Variants in GTF2IRD2 observed in about 807,000 individuals in gnomAD.
The protein encoded by GTF2IRD2 is GTF2I repeat domain containing 2.
A neutral mutation model predicts 49.2 loss-of-function variants in GTF2IRD2; 8 were observed. That is an observed-to-expected ratio of 0.16 (90% CI 0.10 to 0.29). The LOEUF (loss-of-function observed/expected upper bound fraction) is 0.29. GTF2IRD2 is among the 10% of genes least tolerant of loss of function. The pLI, the probability that GTF2IRD2 is intolerant of heterozygous loss-of-function variation, is 1.00. For missense variants in GTF2IRD2, 130 were observed against 725.7 expected (o/e 0.18, Z 9.43); for synonymous variants, 47 against 289.7 (o/e 0.16, Z 8.51).
At chr7:74,818,729 C>T (rs1209501425) in intron 8 of GTF2IRD2, 8 of 149,764 alleles carry the variant, frequency 5.3e-5, no homozygotes, top group African/African-American at 2.0e-4. Context: ...GAGTTACAGT[C>T]GTGAGCCCGC....
intron 3 of GTF2IRD2, among the ~76,000 whole-genome samples, chr7:74,831,167 G>C (rs1799811191): frequency 6.6e-6 from 1 of 150,562 alleles, no homozygotes; most frequent in Non-Finnish European, 1.5e-5. Context: ...AAGTAAATTT[G>C]AATCAATCTA....
Position 74,796,342 on chromosome 7 carries a change from A to G in GTF2IRD2, c.*320T>C, listed in dbSNP as rs1449106304. On this transcript the variant is annotated 3_prime_UTR_variant, in exon 16 of 16. Transcript: ENST00000451013. Reference sequence around the variant, plus strand: ...CACTTTGTGAGGTCGAGGCAGGTGGATCACCTGAGGTCAGGAGTTGGAGAC... The same window carrying G: ...CACTTTGTGAGGTCGAGGCAGGTGGGTCACCTGAGGTCAGGAGTTGGAGAC... The G allele has an allele frequency of 8.3e-6, 3 of 362,402 alleles. No individual in the cohort carries two copies. Among genetic ancestry groups the G allele is most frequent in the Admixed American group, 7.8e-5 (2 of 25,700 alleles). The allele number at this position is 362,402 out of a possible 1,614,324, so 22.4% of individuals were successfully genotyped here. A position where few individuals can be genotyped will look rare whatever the true frequency, so the allele number is the denominator to read the frequency against.
intron 1 of GTF2IRD2, among the ~76,000 whole-genome samples, chr7:74,838,401 TTTTG>T (rs1554421226): frequency 8.3e-6 from 1 of 121,138 alleles, no homozygotes; most frequent in Non-Finnish European, 1.6e-5. Context: ...TTTTTTAGCT[TTTTG>T]TTTGTTTTGT....
intron 3 of GTF2IRD2, among the ~76,000 whole-genome samples, chr7:74,830,628 A>G (rs2523369): frequency 0.032 from 4,625 of 144,190 alleles, 109 homozygotes; most frequent in Non-Finnish European, 0.045. Context: ...ACAGAAAACC[A>G]AATACCACAT....
intron 15 of GTF2IRD2, among the ~76,000 whole-genome samples, chr7:74,799,921 C>CAA (rs1160840166): frequency 0.44 from 5,586 of 12,602 alleles, 862 homozygotes; most frequent in East Asian, 0.7. Context: ...CCTGTCTCTA[C>CAA]AAAAAAAAAA....
chr7:74,842,312 C>A (rs1452040231), intron 1 of GTF2IRD2, among the ~76,000 whole-genome samples: 2 of 134,146 alleles, frequency 1.5e-5, no homozygotes, highest in Non-Finnish European at 3.1e-5. Flanking sequence ...TCACTGCAAC[C>A]TCTGCCTTCT....
intron 3 of GTF2IRD2, among the ~76,000 whole-genome samples, chr7:74,827,061 T>C (rs1260807419): frequency 6.6e-6 from 1 of 151,082 alleles, no homozygotes; most frequent in Non-Finnish European, 1.5e-5. Context: ...ACGTACCACA[T>C]TTTCTTTGTC....
At chr7:74,809,862 C>T (rs1202979596) in intron 10 of GTF2IRD2, among the ~76,000 whole-genome samples, 5 of 109,840 alleles carry the variant, frequency 4.6e-5, no homozygotes, top group Middle Eastern at 4.3e-3. Flanking sequence ...GGTGCGATTT[C>T]GGCTCACTGC....
intron 3 of GTF2IRD2, among the ~76,000 whole-genome samples, chr7:74,825,720 A>G (rs1799315366): frequency 2.0e-5 from 3 of 151,552 alleles, no homozygotes; most frequent in Admixed American, 2.0e-4. Flanking sequence ...GAGAAACCAC[A>G]TAGTAATTTG....
rs199850312 is a variant in GTF2IRD2, at chr7:74,798,197, C to A, written c.1315G>T (p.Val439Leu). ...QEKWERAYFFVEVQNIPTCLI... is the reference protein window; with the variant it reads ...QEKWERAYFFLEVQNIPTCLI... ...CATGTTGGAATATTCTGTACTTCCA[C>A]GAAGAAATACGCTCTCTCCCACTTT... The change falls in exon 16 of 16, where the codon GTG (valine) becomes TTG (leucine). Residue 439 changes from valine to leucine, a missense_variant. Coordinates refer to ENST00000451013, the MANE Select transcript of GTF2IRD2 (RefSeq NM_173537.5). 2 of 886,776 alleles carry A rather than the reference C, an allele frequency of 2.3e-6. No individual in the cohort carries two copies. The highest frequency in any genetic ancestry group is 1.3e-5 in the South Asian group (1 of 75,378). 54.9% of individuals were successfully genotyped at this position (886,776 alleles called of 1,614,324 possible). A position where few individuals can be genotyped will look rare whatever the true frequency, so the allele number is the denominator to read the frequency against.
At chr7:74,842,231 CTTT>C (rs71267867) in intron 1 of GTF2IRD2, among the ~76,000 whole-genome samples, 6 of 121,882 alleles carry the variant, frequency 4.9e-5, no homozygotes, top group African/African-American at 6.6e-5. Context: ...TTTTAATTTT[CTTT>C]TTTTTTTTTT....
Position 74,796,404 on chromosome 7 carries a change from A to G in GTF2IRD2, c.*258T>C. On this transcript the variant is annotated 3_prime_UTR_variant, in exon 16 of 16. Transcript: ENST00000451013. The stretch of plus-strand genomic sequence containing the variant: ...ACATGGTGAAACCTCATCTCTACTA[A>G]TACAAAAATTAGCCAGGCATGGTGG... 4.4e-6 allele frequency: 2 copies of G among 456,254 alleles called. No homozygotes were observed. The highest frequency in any genetic ancestry group is 2.1e-5 in the South Asian group (1 of 48,490). The allele number at this position is 456,254 out of a possible 1,614,324, so 28.3% of individuals were successfully genotyped here.
intron 15 of GTF2IRD2, among the ~76,000 whole-genome samples, chr7:74,798,562 G>A (rs1554416636): frequency 6.6e-6 from 1 of 151,090 alleles, no homozygotes; most frequent in African/African-American, 2.4e-5. Context: ...AGGCTGCAGT[G>A]CAGTGGCGCA....
chr7:74,830,200 C>CA (rs782359912), intron 3 of GTF2IRD2, among the ~76,000 whole-genome samples: 28 of 16,520 alleles, frequency 1.7e-3, no homozygotes, highest in Non-Finnish European at 1.9e-3. Flanking sequence ...AACCCTGTCT[C>CA]AAAAAAAAAA....
Position 74,844,835 on chromosome 7 carries a change from G to A in GTF2IRD2, c.-6+6532C>T, listed in dbSNP as rs1283935760. Among the ~76,000 whole-genome samples the A allele has an allele frequency of 2.6e-5, 2 of 75,850 alleles. 1 individual carries two copies. Among genetic ancestry groups the A allele is most frequent in the Non-Finnish European group, 5.8e-5 (2 of 34,486 alleles). The allele number at this position is 75,850 out of a possible 152,430, so 49.8% of individuals were successfully genotyped here. A position where few individuals can be genotyped will look rare whatever the true frequency, so the allele number is the denominator to read the frequency against. ...CCTGAGTAGCTGGGACCACAGGCAC[G>A]TGCCATCATGCCCAGCTCATTTTCT... On this transcript the variant is annotated intron_variant, in intron 1 of 15. Coordinates refer to ENST00000451013, the MANE Select transcript of GTF2IRD2 (RefSeq NM_173537.5).
intron 1 of GTF2IRD2, among the ~76,000 whole-genome samples, chr7:74,842,250 G>A (rs1232210085): frequency 7.9e-6 from 1 of 126,490 alleles, no homozygotes; most frequent in Non-Finnish European, 1.6e-5. Context: ...TTTTTTTTGA[G>A]ATGGGGTCTT....
At chr7:74,807,329 G>A (rs1797855781) in intron 11 of GTF2IRD2, among the ~76,000 whole-genome samples, 1 of 99,176 alleles carries the variant, frequency 1.0e-5, no homozygotes, top group Non-Finnish European at 2.2e-5. Context: ...CCAGGCTGGA[G>A]TGCAGTGGTG....
intron 3 of GTF2IRD2, among the ~76,000 whole-genome samples, chr7:74,827,890 G>A (rs1584398240): frequency 3.0e-5 from 1 of 32,796 alleles, no homozygotes; most frequent in Non-Finnish European, 4.9e-5. Flanking sequence ...GCACGATCTG[G>A]GCTCACTGCA....
At position 74,842,073 on chromosome 7, in the gene GTF2IRD2, G is replaced by A. The variant is rs587773258; in HGVS notation, c.-5-5690C>T. ...CGGGAGGCGGAGGTTGCAGTGAGCC[G>A]AGATCCCACCACTGCACTCCAGCCT... On this transcript the variant is annotated intron_variant, in intron 1 of 15. Coordinates refer to ENST00000451013, the MANE Select transcript of GTF2IRD2 (RefSeq NM_173537.5). 2.3e-4 allele frequency among the ~76,000 whole-genome samples: 22 copies of A among 96,186 alleles called. 2 individuals are homozygous for A. The South Asian group carries it at 5.9e-3, about 26-fold the overall frequency. 63.1% of individuals were successfully genotyped at this position (96,186 alleles called of 152,430 possible). A position where few individuals can be genotyped will look rare whatever the true frequency, so the allele number is the denominator to read the frequency against.
Sources: allele counts gnomAD v4.1 joint callset (sites outside exome capture counted in the v4.1 genomes callset), GRCh38; gene constraint gnomAD v4.1.1; transcripts MANE v1.5; gene names NCBI Gene and HGNC (gene_info 2026-07-23, HGNC 2026-07-21).